CCDC73: variants seen among roughly 807,000 people sequenced by gnomAD.
CCDC73 encodes the protein coiled-coil domain-containing protein 73.
In CCDC73, 95 loss-of-function variants were observed where a neutral mutation model predicts 116.5. The observed-to-expected ratio is 0.82, with a 90% CI of 0.69 to 0.97. The LOEUF is 0.97. CCDC73 is among the 50% of genes least tolerant of loss of function. CCDC73 has a pLI of 0.00. For missense variants in CCDC73, 1,066 were observed against 1,206.8 expected (o/e 0.88, Z 1.73); for synonymous variants, 398 against 401.3 (o/e 0.99, Z 0.10).
chr11:32,683,488 C>A, intron 7 of CCDC73, 48 bp downstream of exon 7: 1 of 1,224,948 alleles, frequency 8.2e-7, no homozygotes, highest in South Asian at 1.2e-5. Context: ...ACCAATCCCC[C>A]TAAGTACTAA....
intron 2 of CCDC73, among the ~76,000 whole-genome samples, chr11:32,721,015 CTTATT>C (rs1174025276): frequency 6.6e-6 from 1 of 151,942 alleles, no homozygotes; most frequent in Admixed American, 6.6e-5. Context: ...TGTAATGATA[CTTATT>C]TTATTTTTTA....
At chr11:32,607,537 T>A (rs753530996) in intron 17 of CCDC73, among the ~76,000 whole-genome samples, 21 of 152,242 alleles carry the variant, frequency 1.4e-4, no homozygotes, top group Non-Finnish European at 2.9e-4. Context: ...ACAGCTATCT[T>A]ATAAGGGTTA....
At chr11:32,704,303 C>G (rs1011754907) in intron 3 of CCDC73, among the ~76,000 whole-genome samples, 1 of 152,252 alleles carries the variant, frequency 6.6e-6, no homozygotes, top group African/African-American at 2.4e-5. Context: ...CCTGACCTCT[C>G]CCTGCTCTCC....
chr11:32,818,402 G>A, the CCDC73 span, among the ~76,000 whole-genome samples: 2 of 152,154 alleles, frequency 1.3e-5, no homozygotes, highest in African/African-American at 2.4e-5. Context: ...CATAATAATC[G>A]GGTCTACTGC....
At chr11:32,662,197 C>T (rs1855935771) in intron 9 of CCDC73, among the ~76,000 whole-genome samples, 1 of 152,198 alleles carries the variant, frequency 6.6e-6, no homozygotes, top group African/African-American at 2.4e-5. Context: ...TGGGTATATA[C>T]CCAGTAATGG....
chr11:32,633,783 C>A (rs1855653343), intron 14 of CCDC73, among the ~76,000 whole-genome samples: 1 of 152,142 alleles, frequency 6.6e-6, no homozygotes, highest in Admixed American at 6.5e-5. Context: ...TGCCAAAATT[C>A]TAGAATCCCA....
At chr11:32,747,045 C>T (rs1169431637) in intron 2 of CCDC73, among the ~76,000 whole-genome samples, 3 of 152,208 alleles carry the variant, frequency 2.0e-5, no homozygotes, top group Non-Finnish European at 4.4e-5. Context: ...GCTCTGGTTT[C>T]TCCCCATCTT....
chr11:32,711,225 A>G (rs1437534645), intron 3 of CCDC73, among the ~76,000 whole-genome samples: 1 of 152,012 alleles, frequency 6.6e-6, no homozygotes, highest in Non-Finnish European at 1.5e-5. Flanking sequence ...AATGGAAAAT[A>G]GTGTGGAGAT....
chr11:32,698,817 T>C (rs1018972654), intron 6 of CCDC73, among the ~76,000 whole-genome samples: 2 of 152,212 alleles, frequency 1.3e-5, no homozygotes, highest in African/African-American at 4.8e-5. Flanking sequence ...TACTTCTGTA[T>C]TCTCTAAGAG....
In CCDC73 at chr11:32,658,073, CTT is replaced by C. The variant is rs1363313862; in HGVS notation, c.646-3103_646-3102del. Among the ~76,000 whole-genome samples, 4 of 150,314 alleles carry C rather than the reference CTT, an allele frequency of 2.7e-5. No homozygotes were observed. The East Asian group carries it at 7.9e-4, about 30-fold the overall frequency. On this transcript the variant is annotated intron_variant, in intron 9 of 17. Coordinates refer to ENST00000335185, the MANE Select transcript of CCDC73 (RefSeq NM_001008391.4). ...AAAACCCCACAGCTTCTGCCTTAGG[CTT>C]TCTTCTGCAGCTATAGCTACAGCTC... is the stretch of plus-strand genomic sequence containing the variant.
upstream of CCDC73, among the ~76,000 whole-genome samples, chr11:32,794,895 C>T (rs1466350984): frequency 5.4e-5 from 8 of 148,704 alleles, no homozygotes; most frequent in African/African-American, 2.0e-4. Context: ...GACGGAGTCT[C>T]GCTCTGTCGC....
intron 3 of CCDC73, among the ~76,000 whole-genome samples, chr11:32,703,915 A>G (rs1378936616): frequency 6.6e-6 from 1 of 152,246 alleles, no homozygotes; most frequent in African/African-American, 2.4e-5. Flanking sequence ...ACCACTTTCA[A>G]ATTTTTCTGT....
intron 2 of CCDC73, among the ~76,000 whole-genome samples, chr11:32,745,682 GTT>G (rs1355659758): frequency 6.7e-6 from 1 of 148,794 alleles, no homozygotes; most frequent in East Asian, 2.0e-4. Context: ...TCTGATCTTT[GTT>G]TGTTTAAAGT....
chr11:32,768,938 T>C (rs1850469199), intron 1 of CCDC73, among the ~76,000 whole-genome samples: 1 of 152,092 alleles, frequency 6.6e-6, no homozygotes, highest in South Asian at 2.1e-4. Context: ...AAAGAGGATA[T>C]CCAAATGGCC....
intron 1 of CCDC73, among the ~76,000 whole-genome samples, chr11:32,793,590 A>C (rs1850695338): frequency 6.7e-6 from 1 of 150,220 alleles, no homozygotes; most frequent in Non-Finnish European, 1.5e-5. Context: ...AGATTGCAGC[A>C]ATGACATGAA....
intron 14 of CCDC73, among the ~76,000 whole-genome samples, chr11:32,620,492 T>A (rs1354577826): frequency 6.6e-6 from 1 of 150,888 alleles, no homozygotes; most frequent in Admixed American, 6.6e-5. Flanking sequence ...ATGCCTGTAG[T>A]CCCACCTACT....
At position 32,613,835 on chromosome 11, in the gene CCDC73, A is replaced by G. The variant is rs1855445657; in HGVS notation, c.2483T>C (p.Leu828Pro). The change falls in exon 16 of 18, where the codon CTT (leucine) becomes CCT (proline). Residue 828 changes from leucine (L) to proline (P), a missense_variant. Leu to Pro is a moderately conservative substitution (Grantham distance 98). Transcript: ENST00000335185. ...CTGTCTTTCATTAATGCTCACAAAA[A>G]GGAAGAGGTCATTTTTTGTGGCTTC... ...VTEATKNDLF[L>P]FVSINERQHT... 1 of 1,613,620 alleles carries G rather than the reference A, an allele frequency of 6.2e-7. No individual in the cohort carries two copies.
intron 1 of CCDC73, among the ~76,000 whole-genome samples, chr11:32,789,246 G>A (rs1464047027): frequency 2.0e-5 from 3 of 152,122 alleles, no homozygotes; most frequent in Non-Finnish European, 4.4e-5. Context: ...CTACAGTGAA[G>A]GATAAGGTGA....
At chr11:32,691,148 G>A (rs940704475) in intron 6 of CCDC73, among the ~76,000 whole-genome samples, 2 of 151,196 alleles carry the variant, frequency 1.3e-5, no homozygotes, top group African/African-American at 4.9e-5. Context: ...AGCTTCAAGC[G>A]ATTCTCCTGC....
Sources: gnomAD v4.1 joint callset for allele counts (sites outside exome capture counted in the v4.1 genomes callset) on GRCh38, gnomAD v4.1.1 for gene constraint, MANE v1.5 for transcripts, NCBI Gene and HGNC (gene_info 2026-07-23, HGNC 2026-07-21) for gene names.